Variants in NTM observed in about 807,000 individuals in gnomAD.
NTM encodes IgLON family member 2.
In NTM, 13 loss-of-function variants were observed where a neutral mutation model predicts 42.1. The observed-to-expected ratio is 0.31, with a 90% CI of 0.20 to 0.49. NTM has a LOEUF of 0.49. NTM is among the 20% of genes least tolerant of loss of function. The probability of loss-of-function intolerance (pLI) is 0.99; values close to 1 mark genes in which losing one functional copy is unlikely to be tolerated. For synonymous variants in NTM, 187 were observed against 179.2 expected (o/e 1.04, Z -0.35); for missense variants, 373 against 452.8 (o/e 0.82, Z 1.60).
chr11:131,626,503 C>T (rs1230356000), intron 1 of NTM, among the ~76,000 whole-genome samples: 2 of 152,180 alleles, frequency 1.3e-5, no homozygotes, highest in East Asian at 1.9e-4. Context: ...AGGGTGGCAG[C>T]TTACCTCAGT....
intron 8 of NTM, among the ~76,000 whole-genome samples, chr11:132,333,611 T>C (rs1302139189): frequency 1.3e-5 from 2 of 152,162 alleles, no homozygotes; most frequent in Non-Finnish European, 2.9e-5. Flanking sequence ...CCTTTGGTTT[T>C]GTGTTTTCTC....
Position 132,222,664 on chromosome 11 carries a change from C to T in NTM, c.526+10517C>T, listed in dbSNP as rs530796707. ...GCAGCCTGCCTTTTGCACTAGAACC[C>T]GGAGTCCTGAAGATGTGGCCCCTTC... On this transcript the variant is annotated intron_variant, in intron 4 of 8. Transcript: ENST00000683400. Among the ~76,000 whole-genome samples the T allele has an allele frequency of 7.2e-5, 11 of 152,254 alleles. No homozygotes were observed. In the South Asian group the frequency reaches 1.2e-3, roughly 17 times the overall value.
intron 1 of NTM, among the ~76,000 whole-genome samples, chr11:131,398,014 G>T (rs183695562): frequency 1.3e-5 from 2 of 152,194 alleles, no homozygotes; most frequent in Non-Finnish European, 2.9e-5. Flanking sequence ...GTTGTATCAA[G>T]AATATTCTGG....
chr11:131,868,816 C>T (rs1042514086), intron 1 of NTM, among the ~76,000 whole-genome samples: 9 of 152,190 alleles, frequency 5.9e-5, no homozygotes, highest in African/African-American at 2.2e-4. Flanking sequence ...TCTGATCTCT[C>T]CAGGCACTTC....
intron 4 of NTM, among the ~76,000 whole-genome samples, chr11:132,292,609 G>GT: frequency 1.3e-5 from 2 of 151,840 alleles, no homozygotes; most frequent in East Asian, 1.9e-4. Context: ...AAGCCAGTTT[G>GT]TTTTTTTGAT....
intron 2 of NTM, among the ~76,000 whole-genome samples, chr11:132,041,739 A>ATAGTGGG (rs753069692): frequency 1.3e-5 from 2 of 152,144 alleles, no homozygotes; most frequent in Non-Finnish European, 2.9e-5. Context: ...GTCCTGAATG[A>ATAGTGGG]TAGTGGAATG....
rs565491914 is a variant in NTM, at chr11:131,674,036, T to C, written c.83-237528T>C. Among the ~76,000 whole-genome samples the C allele has an allele frequency of 4.9e-4, 75 of 152,248 alleles. 1 individual carries two copies. The highest frequency in any genetic ancestry group is 1.7e-3 in the African/African-American group (72 of 41,508). On this transcript the variant is annotated intron_variant, in intron 1 of 8. Transcript: ENST00000683400. ...TAGGAAGAAAACAAGTGAAAATATG[T>C]TATTTTACAACCTTGATACTTCTGA...
chr11:131,646,406 C>A (rs1259559491), intron 1 of NTM, among the ~76,000 whole-genome samples: 1 of 152,160 alleles, frequency 6.6e-6, no homozygotes, highest in Non-Finnish European at 1.5e-5. Flanking sequence ...TCTACAAGTC[C>A]AGCTTTCTTC....
At position 132,110,482 on chromosome 11, in the gene NTM, G is replaced by A. The variant is rs79654055; in HGVS notation, c.168-35800G>A. Among the ~76,000 whole-genome samples the A allele has an allele frequency of 5.4e-3, 818 of 152,306 alleles. 6 individuals carry two copies. The highest frequency in any genetic ancestry group is 0.018 in the African/African-American group (756 of 41,558). On this transcript the variant is annotated intron_variant, in intron 2 of 8. Transcript: ENST00000683400. The stretch of plus-strand genomic sequence containing the variant: ...GCACTGAGTATATTCCTAATATCAC[G>A]TTGCCCTGTGGCATGGGGCTTAATG...
At chr11:131,864,852 C>A (rs529804325) in intron 1 of NTM, among the ~76,000 whole-genome samples, 28 of 152,134 alleles carry the variant, frequency 1.8e-4, no homozygotes, top group Non-Finnish European at 3.2e-4. Flanking sequence ...CTGATATCTG[C>A]CCTTTTTAAT....
At position 131,616,568 on chromosome 11, in the gene NTM, C is replaced by T. The variant is rs1406644475; in HGVS notation, c.82+245680C>T. 2.0e-5 allele frequency among the ~76,000 whole-genome samples: 3 copies of T among 152,156 alleles called. No homozygotes were observed. In the East Asian group the frequency reaches 5.8e-4, roughly 29 times the overall value. On this transcript the variant is annotated intron_variant, in intron 1 of 8. Coordinates refer to ENST00000683400, the MANE Select transcript of NTM (RefSeq NM_001352005.2). ...TAATAGTTTAGCAATGGCCTAGTGA[C>T]TTAGAATGAGATGGAGGCTGCGGCG... is the stretch of plus-strand genomic sequence containing the variant.
In NTM at chr11:132,132,113, G is replaced by C. The variant is rs555928504; in HGVS notation, c.168-14169G>C. Among the ~76,000 whole-genome samples the C allele has an allele frequency of 2.8e-3, 420 of 151,826 alleles. 4 individuals carry two copies. The highest frequency in any genetic ancestry group is 8.8e-4 in the Non-Finnish European group (60 of 67,930). On this transcript the variant is annotated intron_variant, in intron 2 of 8. Transcript: ENST00000683400. ...AGCTGATGCAGTTCAAGTGCCCGAGGATACATTCCTCTGCCTGACGTTTTA... is the reference window on the plus strand; with the variant it reads ...AGCTGATGCAGTTCAAGTGCCCGAGCATACATTCCTCTGCCTGACGTTTTA...
At chr11:131,822,023 C>T (rs1565594654) in intron 1 of NTM, among the ~76,000 whole-genome samples, 1 of 152,128 alleles carries the variant, frequency 6.6e-6, no homozygotes, top group Non-Finnish European at 1.5e-5. Flanking sequence ...TCAATAAAAG[C>T]TCAGGAAAGT....
chr11:131,954,639 A>G (rs1247925653), intron 2 of NTM, among the ~76,000 whole-genome samples: 1 of 145,894 alleles, frequency 6.9e-6, no homozygotes. Flanking sequence ...CTTTTTTTTT[A>G]ACGAAAACAT....
chr11:132,049,243 C>A (rs1211744208), intron 2 of NTM, among the ~76,000 whole-genome samples: 1 of 152,144 alleles, frequency 6.6e-6, no homozygotes, highest in African/African-American at 2.4e-5. Context: ...AAGAACACTT[C>A]CTCCAAGTGA....
At chr11:132,074,430 A>T (rs977378944) in intron 2 of NTM, among the ~76,000 whole-genome samples, 1 of 152,274 alleles carries the variant, frequency 6.6e-6, no homozygotes, top group East Asian at 1.9e-4. Context: ...TTTAGAGAAG[A>T]TATTTCATAA....
chr11:131,498,440 TTTA>T (rs749341886), intron 1 of NTM, among the ~76,000 whole-genome samples: 11 of 152,336 alleles, frequency 7.2e-5, no homozygotes, highest in South Asian at 2.1e-4. Flanking sequence ...TATTGATTTT[TTTA>T]TTATGATGGT....
At chr11:131,859,857 C>T (rs2046443084) in intron 1 of NTM, among the ~76,000 whole-genome samples, 1 of 149,722 alleles carries the variant, frequency 6.7e-6, no homozygotes, top group South Asian at 2.1e-4. Context: ...GAAGTGCCTC[C>T]CCTTTTTTTT....
chr11:131,591,655 G>A (rs1300362574), intron 1 of NTM, among the ~76,000 whole-genome samples: 3 of 152,356 alleles, frequency 2.0e-5, no homozygotes, highest in African/African-American at 7.2e-5. Flanking sequence ...GTTGCCTTCA[G>A]TGTGTCTTTC....
Sources: allele counts gnomAD v4.1 joint callset (sites outside exome capture counted in the v4.1 genomes callset), GRCh38; gene constraint gnomAD v4.1.1; transcripts MANE v1.5; gene names NCBI Gene and HGNC (gene_info 2026-07-23, HGNC 2026-07-21).